Variants in TMEM234 observed in about 807,000 individuals in gnomAD.
The protein encoded by TMEM234 is transmembrane protein 234.
Under a neutral mutation model 17.8 loss-of-function variants are expected in TMEM234, and 21 were observed. That is an observed-to-expected ratio of 1.18 (90% CI 0.84 to 1.70). The LOEUF (loss-of-function observed/expected upper bound fraction) is 1.70, where lower values mean the gene tolerates loss of function less well. TMEM234 is among the 40% of genes most tolerant of loss of function. The probability of loss-of-function intolerance (pLI) is 0.00; values close to 1 mark genes in which losing one functional copy is unlikely to be tolerated. For synonymous variants in TMEM234, 83 were observed against 73.5 expected (o/e 1.13, Z -0.66); for missense variants, 137 against 166.9 (o/e 0.82, Z 0.99).
chr1:32,217,734 C>T (rs1290542217), intron 3 of TMEM234, among the ~76,000 whole-genome samples: 2 of 152,168 alleles, frequency 1.3e-5, no homozygotes, highest in East Asian at 3.8e-4. Flanking sequence ...CATACCATGG[C>T]CTAGGTGCTT....
chr1:32,217,548 A>G, intron 3 of TMEM234, 197 bp from the exon 4 acceptor site: 1 of 1,278,468 alleles, frequency 7.8e-7, no homozygotes, highest in Non-Finnish European at 1.1e-6. Flanking sequence ...TTCCAGCATG[A>G]AGACCTGAAC....
At chr1:32,217,919 GAAC>G (rs1638558784) in intron 3 of TMEM234, among the ~76,000 whole-genome samples, 1 of 152,250 alleles carries the variant, frequency 6.6e-6, no homozygotes, top group Non-Finnish European at 1.5e-5. Flanking sequence ...AGACAGAGCA[GAAC>G]ATCAGATGAA....
intron 3 of TMEM234, 93 bp from the exon 4 acceptor site, chr1:32,217,444 AAAG>A (rs1393693454): frequency 1.3e-6 from 2 of 1,574,192 alleles, no homozygotes; most frequent in Admixed American, 1.8e-5. Context: ...TACCTTTAAA[AAAG>A]GTATCAAAAC....
At chr1:32,214,610 C>A, downstream of TMEM234, 1 of 747,860 alleles carries the variant, frequency 1.3e-6, no homozygotes, top group Non-Finnish European at 2.1e-6. Context: ...ATCTACTGCT[C>A]TGTCCCTGGA....
downstream of TMEM234, chr1:32,215,412 A>G (rs1429127291): frequency 6.3e-7 from 1 of 1,582,680 alleles, no homozygotes; most frequent in South Asian, 1.1e-5. Flanking sequence ...CAGCCTGGGC[A>G]TCACCCAGTG....
At chr1:32,220,244 T>C (rs1157589242) in intron 3 of TMEM234, among the ~76,000 whole-genome samples, 1 of 152,200 alleles carries the variant, frequency 6.6e-6, no homozygotes. Flanking sequence ...TGGCATGATC[T>C]CAGCTCACTG....
downstream of TMEM234, chr1:32,215,806 C>A (rs763026221): frequency 3.2e-6 from 5 of 1,552,046 alleles, no homozygotes; most frequent in Non-Finnish European, 4.4e-6. Flanking sequence ...CTGCAGAGGG[C>A]AGCACAGATA....
rs188080049 is a variant in TMEM234 at position 32,221,273 on chromosome 1, T to C, written c.169-76A>G. On this transcript the variant is annotated intron_variant, in intron 2 of 4. Coordinates refer to ENST00000309777, the MANE Select transcript of TMEM234 (RefSeq NM_019118.5). ...CTGCCTTCTTTGAGCTCCTAGCGAA[T>C]GTCTTTCCTTGGAGGGAGGCAGGGT... 268 of 1,170,412 alleles carry C rather than the reference T, an allele frequency of 2.3e-4. No homozygotes were observed. In the African/African-American group the frequency reaches 3.8e-3, roughly 16 times the overall value. The allele number at this position is 1,170,412 out of a possible 1,614,324, so 72.5% of individuals were successfully genotyped here.
rs373609745 is a variant in TMEM234, at chr1:32,216,532, G to C, written c.*321C>G. On this transcript the variant is annotated 3_prime_UTR_variant, in exon 5 of 5. Transcript: ENST00000309777. ...GTCCATGGAACCTGCCACCATGATA[G>C]TCCAGATCAGGCCACAGTAATGGTG... 1.9e-6 allele frequency: 3 copies of C among 1,551,664 alleles called. No homozygotes were observed. The highest frequency in any genetic ancestry group is 2.6e-6 in the Non-Finnish European group (3 of 1,146,952).
chr1:32,215,925 G>T, downstream of TMEM234: 1 of 1,521,984 alleles, frequency 6.6e-7, no homozygotes, highest in Non-Finnish European at 8.9e-7. Context: ...GGGCAACTGG[G>T]GACCACTACT....
rs1638400733 is a variant in TMEM234 at position 32,216,527 on chromosome 1, T to C, written c.*326A>G. 23 of 1,551,682 alleles carry C rather than the reference T, an allele frequency of 1.5e-5. No individual in the cohort carries two copies. Among genetic ancestry groups the C allele is most frequent in the Non-Finnish European group, 1.8e-5 (21 of 1,146,986 alleles). ...CTGCAGTCCATGGAACCTGCCACCA[T>C]GATAGTCCAGATCAGGCCACAGTAA... On this transcript the variant is annotated 3_prime_UTR_variant, in exon 5 of 5. Coordinates refer to ENST00000309777, the MANE Select transcript of TMEM234 (RefSeq NM_019118.5).
rs778045648 is a variant in TMEM234 at position 32,217,258 on chromosome 1, C to T, written c.328+1G>A. 1.9e-5 allele frequency: 30 copies of T among 1,614,086 alleles called. No individual in the cohort carries two copies. The highest frequency in any genetic ancestry group is 3.3e-4 in the Middle Eastern group (2 of 6,084). Reference sequence around the variant, plus strand: ...CCCGCACTCGCAGTAGTCTAACTTACGTTTTCCACCAATATCTTCTCCAAG... The same window carrying T: ...CCCGCACTCGCAGTAGTCTAACTTATGTTTTCCACCAATATCTTCTCCAAG... On this transcript the variant is annotated splice_donor_variant, in intron 4 of 4. Coordinates refer to ENST00000309777, the MANE Select transcript of TMEM234 (RefSeq NM_019118.5). LOFTEE classifies it high-confidence loss of function.
At chr1:32,214,543 G>T (rs894874356), downstream of TMEM234, 45 of 501,862 alleles carry the variant, frequency 9.0e-5, no homozygotes, top group Admixed American at 5.5e-4. Context: ...CATGGGGCAT[G>T]GTGGTGGGGG....
Position 32,216,592 on chromosome 1 carries a change from G to T in TMEM234, c.*261C>A, listed in dbSNP as rs1638405611. On this transcript the variant is annotated 3_prime_UTR_variant, in exon 5 of 5. Coordinates refer to ENST00000309777, the MANE Select transcript of TMEM234 (RefSeq NM_019118.5). ...GGAGCCTGAGATGTTAGCAGGAAGA[G>T]AGCTGCTGGGGCAGAAAGGTTGCTG... 6.5e-7 allele frequency: 1 copy of T among 1,541,352 alleles called. No homozygotes were observed.
downstream of TMEM234, chr1:32,215,520 C>CA (rs1318088843): frequency 6.2e-7 from 1 of 1,613,704 alleles, no homozygotes; most frequent in South Asian, 1.1e-5. Flanking sequence ...TGAAGACACT[C>CA]AGACAGAGGA....
downstream of TMEM234, chr1:32,215,643 T>G: frequency 8.3e-7 from 1 of 1,206,248 alleles, no homozygotes; most frequent in Non-Finnish European, 1.2e-6. Context: ...TCCCTTGTGA[T>G]TGAAAGTAAA....
chr1:32,220,717 G>A (rs1405439871), intron 3 of TMEM234, among the ~76,000 whole-genome samples: 1 of 152,198 alleles, frequency 6.6e-6, no homozygotes, highest in Non-Finnish European at 1.5e-5. Flanking sequence ...CTGTGTGCCA[G>A]GCACTCTCCT....
At chr1:32,215,856 G>A, downstream of TMEM234, 1 of 1,552,932 alleles carries the variant, frequency 6.4e-7, no homozygotes. Context: ...GCCTGGGGCT[G>A]GGGCTGCTAT....
intron 3 of TMEM234, among the ~76,000 whole-genome samples, chr1:32,218,972 C>T (rs554945329): frequency 3.1e-4 from 47 of 152,080 alleles, no homozygotes; most frequent in African/African-American, 1.0e-3. Flanking sequence ...ATTAGCCAGG[C>T]GTGGTGGCAC....
Sources: gnomAD v4.1 joint callset for allele counts (sites outside exome capture counted in the v4.1 genomes callset) on GRCh38, gnomAD v4.1.1 for gene constraint, MANE v1.5 for transcripts, NCBI Gene and HGNC (gene_info 2026-07-23, HGNC 2026-07-21) for gene names.